The following SLC39A11 variants were observed in gnomAD, a reference collection of about 807,000 sequenced individuals.
SLC39A11 encodes solute carrier family 39 member 11, also known as zinc transporter ZIP11.
Under a neutral mutation model 36.1 loss-of-function variants are expected in SLC39A11, and 33 were observed. The observed-to-expected ratio is 0.91, with a 90% CI of 0.69 to 1.22. The LOEUF (loss-of-function observed/expected upper bound fraction) is 1.22, where lower values mean the gene tolerates loss of function less well. Ranked by LOEUF, SLC39A11 falls within the 50% of genes most tolerant of loss-of-function variation. The pLI is 0.00. For missense variants in SLC39A11, 432 were observed against 430.3 expected, an observed-to-expected ratio of 1.00 and a Z score of -0.03; for synonymous variants, 166 against 170.3, an observed-to-expected ratio of 0.97 and a Z score of 0.20.
At chr17:72,849,428 A>C (rs2079194914) in intron 6 of SLC39A11, among the ~76,000 whole-genome samples, 1 of 152,260 alleles carries the variant, frequency 6.6e-6, no homozygotes, top group Non-Finnish European at 1.5e-5. Context: ...TGTTTAAACT[A>C]ACCGGAATGG....
intron 7 of SLC39A11, among the ~76,000 whole-genome samples, chr17:72,698,513 T>C (rs57033502): frequency 0.011 from 1,688 of 150,218 alleles, 39 homozygotes; most frequent in African/African-American, 0.039. Flanking sequence ...TGTAGCTGTG[T>C]GATGAGCATA....
intron 6 of SLC39A11, among the ~76,000 whole-genome samples, chr17:72,820,726 G>T (rs1406553089): frequency 6.6e-6 from 1 of 151,142 alleles, no homozygotes; most frequent in Non-Finnish European, 1.5e-5. Context: ...GATGTTTCCC[G>T]TAAAGATGCC....
chr17:72,961,127 C>A (rs188425009), intron 4 of SLC39A11, among the ~76,000 whole-genome samples: 4 of 152,180 alleles, frequency 2.6e-5, no homozygotes, highest in African/African-American at 9.7e-5. Flanking sequence ...GAGGCCTGTT[C>A]TCATCACCTT....
rs937527972 is a variant in SLC39A11 at position 72,822,333 on chromosome 17, G to T, written c.601+27301C>A. Among the ~76,000 whole-genome samples the T allele has an allele frequency of 1.2e-3, 176 of 148,074 alleles. 7 individuals carry two copies. The highest frequency in any genetic ancestry group is 0.011 in the Middle Eastern group (3 of 280). On this transcript the variant is annotated intron_variant, in intron 6 of 9. Transcript: ENST00000255559. The stretch of plus-strand genomic sequence containing the variant: ...GAGATATAATATATATATAGAGAGA[G>T]AGAGAGAAAGAATATATATATAGAG...
intron 3 of SLC39A11, among the ~76,000 whole-genome samples, chr17:73,065,192 G>T (rs1233846166): frequency 1.3e-5 from 2 of 152,066 alleles, no homozygotes; most frequent in South Asian, 4.1e-4. Context: ...ATCACTTGAG[G>T]TCAGGAGTTC....
At chr17:72,950,045 C>A (rs138995683) in intron 4 of SLC39A11, among the ~76,000 whole-genome samples, 2 of 151,682 alleles carry the variant, frequency 1.3e-5, no homozygotes, top group East Asian at 3.9e-4. Context: ...AGAAAGAGAA[C>A]CTAATGATTC....
chr17:72,773,347 C>G (rs907185196), intron 6 of SLC39A11, among the ~76,000 whole-genome samples: 1 of 152,114 alleles, frequency 6.6e-6, no homozygotes, highest in South Asian at 2.1e-4. Context: ...GTGGGAGCGA[C>G]CTGGTGGAAG....
At chr17:73,014,296 T>TCA (rs1240580973) in intron 4 of SLC39A11, among the ~76,000 whole-genome samples, 1 of 152,178 alleles carries the variant, frequency 6.6e-6, no homozygotes, top group Non-Finnish European at 1.5e-5. Flanking sequence ...CATTCAGTTC[T>TCA]CACTCCCTAT....
At chr17:72,760,976 C>T (rs1254303646) in intron 6 of SLC39A11, among the ~76,000 whole-genome samples, 4 of 152,194 alleles carry the variant, frequency 2.6e-5, no homozygotes, top group Non-Finnish European at 5.9e-5. Context: ...ACATAGCCAT[C>T]CAACCAACAG....
intron 4 of SLC39A11, among the ~76,000 whole-genome samples, chr17:72,978,370 T>C (rs1031080783): frequency 2.2e-4 from 33 of 152,170 alleles, no homozygotes; most frequent in African/African-American, 7.7e-4. Context: ...GAGCCTACAT[T>C]GTGGTGGGGA....
intron 4 of SLC39A11, among the ~76,000 whole-genome samples, chr17:73,009,259 CGGGGG>C (rs1408723156): frequency 2.7e-5 from 4 of 148,112 alleles, no homozygotes; most frequent in African/African-American, 1.0e-4. Flanking sequence ...GTCCCCGCTA[CGGGGG>C]AGGCTGAGGC....
chr17:72,690,225 G>A (rs1031683227), intron 7 of SLC39A11, among the ~76,000 whole-genome samples: 9 of 152,214 alleles, frequency 5.9e-5, no homozygotes, highest in Non-Finnish European at 1.5e-5. Context: ...CTGAAACTTT[G>A]AAGGCATGTG....
chr17:72,916,795 C>T (rs972238689), intron 5 of SLC39A11, among the ~76,000 whole-genome samples: 1 of 152,156 alleles, frequency 6.6e-6, no homozygotes, highest in Admixed American at 6.5e-5. Flanking sequence ...TCTCCCTCCG[C>T]ACCTCAATTC....
chr17:72,871,197 G>C (rs373505648), intron 5 of SLC39A11, among the ~76,000 whole-genome samples: 23 of 151,980 alleles, frequency 1.5e-4, no homozygotes, highest in African/African-American at 5.1e-4. Flanking sequence ...GAGTAGCTGG[G>C]ACTTCAGGCA....
chr17:73,082,798 G>A (rs1309849785), intron 3 of SLC39A11, among the ~76,000 whole-genome samples: 1 of 151,904 alleles, frequency 6.6e-6, no homozygotes, highest in Admixed American at 6.6e-5. Flanking sequence ...ACCACCTGAG[G>A]TCAGGAGTTC....
intron 6 of SLC39A11, among the ~76,000 whole-genome samples, chr17:72,794,068 G>A (rs1471639050): frequency 2.0e-5 from 3 of 152,202 alleles, no homozygotes; most frequent in Non-Finnish European, 4.4e-5. Context: ...GGCTCTGCCT[G>A]AGGTTTGTGG....
rs141463547 is a variant in SLC39A11 at position 72,936,716 on chromosome 17, T to C, written c.430+11036A>G. On this transcript the variant is annotated intron_variant, in intron 5 of 9. Transcript: ENST00000255559. ...CCTTTTTGGCACCAGGGACTGGTTT[T>C]ATGGAAGATAATTTTTCTACACATA... 4.0e-3 allele frequency among the ~76,000 whole-genome samples: 607 copies of C among 152,216 alleles called. 4 individuals are homozygous for C. Among genetic ancestry groups the C allele is most frequent in the African/African-American group, 0.014 (561 of 41,538 alleles).
chr17:72,768,660 C>T (rs2075831335), intron 6 of SLC39A11, among the ~76,000 whole-genome samples: 1 of 152,240 alleles, frequency 6.6e-6, no homozygotes, highest in Non-Finnish European at 1.5e-5. Context: ...GCATATGGCA[C>T]AGTCCTTGCT....
intron 7 of SLC39A11, among the ~76,000 whole-genome samples, chr17:72,684,155 C>T (rs1022639494): frequency 1.3e-5 from 2 of 152,134 alleles, no homozygotes; most frequent in Non-Finnish European, 2.9e-5. Context: ...GATGATTATC[C>T]GTAGGCTCCC....
Sources: gnomAD v4.1 joint callset for allele counts (sites outside exome capture counted in the v4.1 genomes callset) on GRCh38, gnomAD v4.1.1 for gene constraint, MANE v1.5 for transcripts, NCBI Gene and HGNC (gene_info 2026-07-23, HGNC 2026-07-21) for gene names.